The following CS variants were observed in gnomAD, a reference collection of about 807,000 sequenced individuals.
The protein encoded by CS is citrate synthase, mitochondrial.
CS carries 13 observed loss-of-function variants against 61.4 expected under a neutral mutation model. The observed-to-expected ratio is 0.21, with a 90% confidence interval of 0.14 to 0.34. The LOEUF is 0.34. CS is among the 10% of genes least tolerant of loss of function. The pLI, the probability that CS is intolerant of heterozygous loss-of-function variation, is 1.00. For missense variants in CS, 278 were observed against 573.4 expected, an observed-to-expected ratio of 0.48 and a Z score of 5.26; for synonymous variants, 159 against 215.2, an observed-to-expected ratio of 0.74 and a Z score of 2.29.
At chr12:56,276,802 A>T (rs1029523792) in intron 6 of CS, among the ~76,000 whole-genome samples, 1 of 152,232 alleles carries the variant, frequency 6.6e-6, no homozygotes, top group East Asian at 1.9e-4. Flanking sequence ...TTGGCCTCCC[A>T]AAGTGCTGGG....
rs780436851 is a variant in CS at position 56,286,618 on chromosome 12, G to A, written c.70C>T (p.Arg24Trp). 7.4e-6 allele frequency: 12 copies of A among 1,613,964 alleles called. No individual in the cohort carries two copies. The highest frequency in any genetic ancestry group is 6.6e-5 in the South Asian group (6 of 91,064). Residue 24 changes from arginine to tryptophan, a missense_variant, in exon 2 of 11, where the codon CGG becomes TGG. Around this residue, in one of 2 missense-constraint regions of CS, gnomAD observed 55 missense variants for 69.9 expected, o/e 0.79. Transcript: ENST00000351328. ...KNASCLVLAA[R>W]HASASSTNLK... ...ACCGTGGAGGAAGCACTGGCATGCCGGGCTGCAAGAACAAGACAAGATGCA... is the reference window on the plus strand; with the variant it reads ...ACCGTGGAGGAAGCACTGGCATGCCAGGCTGCAAGAACAAGACAAGATGCA...
chr12:56,300,309 G>A lies in CS; in HGVS notation c.-108C>T. 3 of 1,216,984 alleles carry A rather than the reference G, an allele frequency of 2.5e-6. No individual in the cohort carries two copies. The highest frequency in any genetic ancestry group is 3.4e-6 in the Non-Finnish European group (3 of 871,762). The allele number at this position is 1,216,984 out of a possible 1,614,324, so 75.4% of individuals were successfully genotyped here. A position where few individuals can be genotyped will look rare whatever the true frequency, so the allele number is the denominator to read the frequency against. The stretch of plus-strand genomic sequence containing the variant: ...GAGGCCGCGCCGACGGGTTGACAAG[G>A]TTGAAAGGAGGCGGCTGAAGGAAAG... On this transcript the variant is annotated 5_prime_UTR_variant, in exon 1 of 11. Coordinates refer to ENST00000351328, the MANE Select transcript of CS (RefSeq NM_004077.3).
Position 56,293,262 on chromosome 12 carries a change from ACT to A in CS, c.43-6619_43-6618del, listed in dbSNP as rs768950430. ...GATTCTCCATCCTAGGTACATCCAG[ACT>A]CTCTCTGTCCTTCTGCATATCCAGG... On this transcript the variant is annotated intron_variant, in intron 1 of 10. Transcript: ENST00000351328. Among the ~76,000 whole-genome samples the A allele has an allele frequency of 5.3e-5, 8 of 152,120 alleles. No homozygotes were observed. In the East Asian group the frequency reaches 7.7e-4, roughly 15 times the overall value.
At chr12:56,297,724 C>T (rs1873349687) in intron 1 of CS, among the ~76,000 whole-genome samples, 2 of 152,104 alleles carry the variant, frequency 1.3e-5, no homozygotes, top group Admixed American at 1.3e-4. Context: ...AAAATTTCTT[C>T]TCAGAAAAGT....
chr12:56,287,193 T>C (rs888225013), intron 1 of CS, among the ~76,000 whole-genome samples: 8 of 152,064 alleles, frequency 5.3e-5, no homozygotes, highest in African/African-American at 1.9e-4. Context: ...AGAAAATAAT[T>C]AGTTTGGCTG....
chr12:56,272,965 A>G lies in CS; in HGVS notation c.*119T>C. Reference sequence around the variant, plus strand: ...TAATTTATATTTTAACCTCAAACATATTATCAGTGCCTCAGATATAATTTA... The same window carrying G: ...TAATTTATATTTTAACCTCAAACATGTTATCAGTGCCTCAGATATAATTTA... On this transcript the variant is annotated 3_prime_UTR_variant, in exon 11 of 11. Coordinates refer to ENST00000351328, the MANE Select transcript of CS (RefSeq NM_004077.3). The G allele has an allele frequency of 1.6e-6, 1 of 635,770 alleles. No homozygotes were observed. Among genetic ancestry groups the G allele is most frequent in the South Asian group, 2.0e-5 (1 of 49,962 alleles). The allele number at this position is 635,770 out of a possible 1,614,324, so 39.4% of individuals were successfully genotyped here.
chr12:56,296,959 C>T (rs547354666), intron 1 of CS, among the ~76,000 whole-genome samples: 2 of 152,242 alleles, frequency 1.3e-5, no homozygotes, highest in South Asian at 2.1e-4. Flanking sequence ...AAAACCAACT[C>T]GGTTTTGTTG....
At chr12:56,290,682 A>G (rs1481263156) in intron 1 of CS, among the ~76,000 whole-genome samples, 1 of 142,736 alleles carries the variant, frequency 7.0e-6, no homozygotes, top group Non-Finnish European at 1.5e-5. Flanking sequence ...TTATCTAATG[A>G]TGTAGAGTAC....
At chr12:56,281,750 C>T (rs1021859624) in intron 6 of CS, among the ~76,000 whole-genome samples, 12 of 152,264 alleles carry the variant, frequency 7.9e-5, no homozygotes, top group Admixed American at 1.3e-4. Flanking sequence ...TGGCCTTAAG[C>T]AATCCTCCCA....
chr12:56,287,207 G>A (rs751948670), intron 1 of CS, among the ~76,000 whole-genome samples: 14 of 152,154 alleles, frequency 9.2e-5, no homozygotes, highest in Non-Finnish European at 1.3e-4. Context: ...TTGGCTGGGC[G>A]CGGTGGCTCA....
At chr12:56,280,393 T>G (rs1872738786) in intron 6 of CS, among the ~76,000 whole-genome samples, 1 of 116,890 alleles carries the variant, frequency 8.6e-6, no homozygotes, top group Admixed American at 1.2e-4. Context: ...CCAACCTGGG[T>G]GACAGTGCAA....
rs754737940 is a variant in CS, at chr12:56,285,944, G to A, written c.173C>T (p.Thr58Met). The A allele has an allele frequency of 3.7e-6, 6 of 1,612,736 alleles. No individual in the cohort carries two copies. The highest frequency in any genetic ancestry group is 2.2e-5 in the East Asian group (1 of 44,886). The change falls in exon 3 of 11, where the codon ACG becomes ATG. Residue 58 changes from threonine (T) to methionine (M), a missense_variant. Thr to Met is a moderately conservative substitution (Grantham distance 81, BLOSUM62 -1). Transcript: ENST00000351328. ...IKTFRQQHGKTVVGQITVDMM... is the reference protein window; with the variant it reads ...IKTFRQQHGKMVVGQITVDMM... ...GTCCACAGTGATTTGGCCCACCACCGTCTTGCCATGTTGCTGCCTGAAAGT... is the reference window on the plus strand; with the variant it reads ...GTCCACAGTGATTTGGCCCACCACCATCTTGCCATGTTGCTGCCTGAAAGT...
intron 3 of CS, among the ~76,000 whole-genome samples, chr12:56,284,348 A>C (rs1033902816): frequency 1.3e-5 from 2 of 150,658 alleles, no homozygotes; most frequent in African/African-American, 4.9e-5. Flanking sequence ...GAAAAAAAAA[A>C]ACAAACTTTG....
At chr12:56,294,710 G>C (rs1255263589) in intron 1 of CS, among the ~76,000 whole-genome samples, 1 of 151,274 alleles carries the variant, frequency 6.6e-6, no homozygotes, top group African/African-American at 2.4e-5. Flanking sequence ...GGGATTATAG[G>C]TGCCTGCCAC....
In CS at chr12:56,272,487, A is replaced by G. The variant is rs1368061979; in HGVS notation, c.*597T>C. On this transcript the variant is annotated 3_prime_UTR_variant, in exon 11 of 11. Coordinates refer to ENST00000351328, the MANE Select transcript of CS (RefSeq NM_004077.3). Reference sequence around the variant, plus strand: ...TTAATTGGATAGTTTTAAAAAAAAAATCAAACATTGGGTGCCAGTCACAAC... The same window carrying G: ...TTAATTGGATAGTTTTAAAAAAAAAGTCAAACATTGGGTGCCAGTCACAAC... The G allele has an allele frequency of 6.6e-6, 1 of 152,352 alleles. No homozygotes were observed. Among genetic ancestry groups the G allele is most frequent in the Non-Finnish European group, 1.5e-5 (1 of 68,264 alleles). The allele number at this position is 152,352 out of a possible 1,614,324, so 9.4% of individuals were successfully genotyped here. A position where few individuals can be genotyped will look rare whatever the true frequency, so the allele number is the denominator to read the frequency against.
At chr12:56,277,029 G>A (rs903901647) in intron 6 of CS, among the ~76,000 whole-genome samples, 9 of 151,826 alleles carry the variant, frequency 5.9e-5, no homozygotes, top group Admixed American at 1.3e-4. Flanking sequence ...GTGAAACCTG[G>A]TCTCTTCTAA....
chr12:56,281,061 T>G (rs1240594672), intron 6 of CS, among the ~76,000 whole-genome samples: 1 of 152,244 alleles, frequency 6.6e-6, no homozygotes, highest in Non-Finnish European at 1.5e-5. Context: ...CAGTGGGTCA[T>G]GCTCTTCTGT....
rs1465438904 is a variant in CS, at chr12:56,283,863, G to C, written c.202-6C>G. On this transcript the variant is annotated splice_polypyrimidine_tract_variant and splice_region_variant and intron_variant, in intron 3 of 10. Transcript: ENST00000351328. ...CCTCTCATGCCACCATACATCTAAA[G>C]AGGATGAAGAAAGAAGGAAAAAAAA... is the stretch of plus-strand genomic sequence containing the variant. The C allele has an allele frequency of 6.2e-7, 1 of 1,607,450 alleles. No homozygotes were observed. The highest frequency in any genetic ancestry group is 2.2e-5 in the East Asian group (1 of 44,814).
chr12:56,285,885 C>A, intron 3 of CS, 31 bp downstream of exon 3: 1 of 1,566,812 alleles, frequency 6.4e-7, no homozygotes, highest in Non-Finnish European at 8.8e-7. Context: ...TACAGAGCTA[C>A]TTTTCCCAGC....
Sources: gnomAD v4.1 joint callset for allele counts (sites outside exome capture counted in the v4.1 genomes callset) on GRCh38, gnomAD v4.1.1 for gene constraint, gnomAD v4.1.1 regional missense constraint, MANE v1.5 for transcripts, NCBI Gene and HGNC (gene_info 2026-07-23, HGNC 2026-07-21) for gene names.